The following AEBP2 variants were observed in gnomAD, a reference collection of about 807,000 sequenced individuals.
The protein encoded by AEBP2 is zinc finger protein AEBP2.
In AEBP2, 10 loss-of-function variants were observed where a neutral mutation model predicts 50.8. The ratio of observed to expected loss-of-function variants is 0.20; its 90% CI spans 0.12 to 0.33. The LOEUF (loss-of-function observed/expected upper bound fraction) is 0.33. Ranked by LOEUF, AEBP2 falls within the 10% of genes least tolerant of loss-of-function variation. The pLI, the probability that AEBP2 is intolerant of heterozygous loss-of-function variation, is 1.00. For synonymous variants in AEBP2, 296 were observed against 261.3 expected, an observed-to-expected ratio of 1.13 and a Z score of -1.28; for missense variants, 570 against 688.0, an observed-to-expected ratio of 0.83 and a Z score of 1.92.
chr12:19,461,824 T>C (rs1330867669), intron 1 of AEBP2, among the ~76,000 whole-genome samples: 3 of 152,198 alleles, frequency 2.0e-5, no homozygotes, highest in Non-Finnish European at 2.9e-5. Context: ...TGTAATACTT[T>C]AGTAAATAAA....
intron 3 of AEBP2, among the ~76,000 whole-genome samples, chr12:19,487,472 C>G (rs1451731347): frequency 6.6e-6 from 1 of 152,172 alleles, no homozygotes; most frequent in Non-Finnish European, 1.5e-5. Context: ...AATCCCAGCA[C>G]TTTGGGAGGC....
At position 19,519,799 on chromosome 12, in the gene AEBP2, A is replaced by G. The variant is rs189513439; in HGVS notation, c.*1682A>G. The stretch of plus-strand genomic sequence containing the variant: ...AAATTATGAGAGACTTTATTCGTTA[A>G]CAATGGGGGTAAAGAGCTATATACA... On this transcript the variant is annotated 3_prime_UTR_variant, in exon 8 of 8. Transcript: ENST00000266508. The G allele has an allele frequency of 6.6e-6, 1 of 152,638 alleles. No homozygotes were observed. Among genetic ancestry groups the G allele is most frequent in the Admixed American group, 6.5e-5 (1 of 15,298 alleles). The allele number at this position is 152,638 out of a possible 1,614,324, so 9.5% of individuals were successfully genotyped here.
chr12:19,416,937 T>C (rs1425828251), intron 1 of AEBP2, among the ~76,000 whole-genome samples: 1 of 151,568 alleles, frequency 6.6e-6, no homozygotes, highest in Non-Finnish European at 1.5e-5. Context: ...AGTGGCGTGA[T>C]CTTGGCTCCC....
intron 1 of AEBP2, among the ~76,000 whole-genome samples, chr12:19,420,021 GTTT>G (rs569003269): frequency 3.9e-5 from 5 of 128,864 alleles, no homozygotes; most frequent in African/African-American, 8.6e-5. Context: ...TGCATTAATA[GTTT>G]TTTTTTTTTT....
intron 2 of AEBP2, among the ~76,000 whole-genome samples, chr12:19,470,602 G>T (rs183789708): frequency 6.3e-4 from 96 of 152,238 alleles, no homozygotes; most frequent in African/African-American, 2.3e-3. Flanking sequence ...CCTTAATCGT[G>T]TTACTAGACA....
At chr12:19,441,045 G>A (rs546973997) in intron 1 of AEBP2, among the ~76,000 whole-genome samples, 1 of 152,302 alleles carries the variant, frequency 6.6e-6, no homozygotes, top group East Asian at 1.9e-4. Context: ...TGAATTGATG[G>A]CCTTTTAAGA....
intron 2 of AEBP2, among the ~76,000 whole-genome samples, chr12:19,472,228 G>A (rs1948583904): frequency 6.6e-6 from 1 of 152,040 alleles, no homozygotes; most frequent in South Asian, 2.1e-4. Flanking sequence ...TATCTTTCTT[G>A]TGTTCTATAT....
chr12:19,508,857 A>G (rs932083979), intron 5 of AEBP2: 4 of 207,648 alleles, frequency 1.9e-5, no homozygotes, highest in Admixed American at 1.4e-4. Flanking sequence ...AAATATTTCA[A>G]AGGCTTTCTT....
chr12:19,455,185 G>T (rs112371611), intron 1 of AEBP2, among the ~76,000 whole-genome samples: 2,447 of 151,632 alleles, frequency 0.016, 68 homozygotes, highest in African/African-American at 0.055. Flanking sequence ...AAGAGACAGG[G>T]TCTTGCTATG....
intron 1 of AEBP2, among the ~76,000 whole-genome samples, chr12:19,423,819 C>T (rs1463785864): frequency 2.0e-5 from 3 of 151,290 alleles, no homozygotes; most frequent in South Asian, 2.1e-4. Context: ...CCAGCCTGGG[C>T]GACAGAGTGA....
intron 3 of AEBP2, among the ~76,000 whole-genome samples, chr12:19,492,445 AAG>A (rs2120442324): frequency 6.6e-6 from 1 of 152,296 alleles, no homozygotes; most frequent in East Asian, 1.9e-4. Context: ...GCAAGTACAG[AAG>A]GCTAAAGAGG....
At chr12:19,516,247 A>T (rs537098289) in intron 7 of AEBP2, among the ~76,000 whole-genome samples, 1 of 152,212 alleles carries the variant, frequency 6.6e-6, no homozygotes, top group Non-Finnish European at 1.5e-5. Flanking sequence ...AAAGAAAAAT[A>T]ATTGAGTGTT....
chr12:19,424,074 T>C (rs2095747242), intron 1 of AEBP2, among the ~76,000 whole-genome samples: 1 of 152,112 alleles, frequency 6.6e-6, no homozygotes, highest in Non-Finnish European at 1.5e-5. Context: ...CGGGAAGACC[T>C]TGTAGAATAA....
At position 19,468,126 on chromosome 12, in the gene AEBP2, T is replaced by TTGTGTGTGTGTGTGTGTGTG. The variant is rs10643072; in HGVS notation, c.880-5110_880-5091dup. On this transcript the variant is annotated intron_variant, in intron 2 of 7. Transcript: ENST00000266508. ...ATCCATCCAACCCCTCTGCCTGACT[T>TTGTGTGTGTGTGTGTGTGTG]TGTGTGTGTGTGTGTGTGTGTGTGT... Among the ~76,000 whole-genome samples the TTGTGTGTGTGTGTGTGTGTG allele has an allele frequency of 5.1e-3, 741 of 144,040 alleles. 8 individuals carry two copies. Among genetic ancestry groups the TTGTGTGTGTGTGTGTGTGTG allele is most frequent in the East Asian group, 0.018 (86 of 4,880 alleles). The allele number at this position is 144,040 out of a possible 152,430, so 94.5% of individuals were successfully genotyped here.
Position 19,514,805 on chromosome 12 carries a change from A to G in AEBP2, c.1481+21A>G, listed in dbSNP as rs200831504. ...TACAGGTAATTTAATTCTTGCCTTT[A>G]TGTTTTACTTTTTGATTTGTAATTT... On this transcript the variant is annotated intron_variant, in intron 7 of 7. Coordinates refer to ENST00000266508, the MANE Select transcript of AEBP2 (RefSeq NM_153207.5). The G allele has an allele frequency of 4.4e-3, 6,876 of 1,558,116 alleles. 29 individuals carry two copies. The highest frequency in any genetic ancestry group is 4.8e-3 in the Non-Finnish European group (5,465 of 1,143,556).
At chr12:19,466,306 A>T (rs960178119) in intron 2 of AEBP2, among the ~76,000 whole-genome samples, 2 of 152,128 alleles carry the variant, frequency 1.3e-5, no homozygotes, top group Non-Finnish European at 2.9e-5. Flanking sequence ...CTCTACAAAA[A>T]TTAGCTGGGT....
chr12:19,468,009 C>G (rs1948508157), intron 2 of AEBP2, among the ~76,000 whole-genome samples: 1 of 151,824 alleles, frequency 6.6e-6, no homozygotes, highest in Non-Finnish European at 1.5e-5. Flanking sequence ...AATTGTGCCA[C>G]TGCCTTCCAG....
Position 19,520,278 on chromosome 12 carries a change from A to G in AEBP2, c.*2161A>G, listed in dbSNP as rs2120658762. 1 of 152,324 alleles carries G rather than the reference A, an allele frequency of 6.6e-6. No homozygotes were observed. Among genetic ancestry groups the G allele is most frequent in the Middle Eastern group, 3.4e-3 (1 of 290 alleles). The allele number at this position is 152,324 out of a possible 1,614,324, so 9.4% of individuals were successfully genotyped here. On this transcript the variant is annotated 3_prime_UTR_variant, in exon 8 of 8. Transcript: ENST00000266508. The stretch of plus-strand genomic sequence containing the variant: ...GAATTTTAAAATGACACCTGAAAAG[A>G]TACATCTGATATTTTCTATATAGAG...
At chr12:19,487,425 G>C (rs1019766251) in intron 3 of AEBP2, among the ~76,000 whole-genome samples, 3 of 152,016 alleles carry the variant, frequency 2.0e-5, no homozygotes, top group African/African-American at 7.2e-5. Context: ...GCTTTTGAAA[G>C]AGAAAAAAGG....
Sources: gnomAD v4.1 joint callset for allele counts (sites outside exome capture counted in the v4.1 genomes callset) on GRCh38, gnomAD v4.1.1 for gene constraint, MANE v1.5 for transcripts, NCBI Gene and HGNC (gene_info 2026-07-23, HGNC 2026-07-21) for gene names.